DUOX2: variants seen among roughly 807,000 people sequenced by gnomAD.
DUOX2 encodes the protein dual oxidase 2.
DUOX2 carries 185 observed loss-of-function variants against 183.3 expected under a neutral mutation model. The observed-to-expected ratio is 1.01, with a 90% CI of 0.90 to 1.14. The LOEUF is 1.14. Ranked by LOEUF, DUOX2 falls within the 50% of genes most tolerant of loss-of-function variation. The pLI is 0.00. For missense variants in DUOX2, 1,999 were observed against 2,022.9 expected (o/e 0.99, Z 0.23); for synonymous variants, 788 against 812.4 (o/e 0.97, Z 0.51).
intron 23 of DUOX2, 47 bp downstream of exon 23, chr15:45,100,708 A>C: frequency 6.6e-7 from 1 of 1,509,216 alleles, no homozygotes; most frequent in Non-Finnish European, 9.2e-7. Flanking sequence ...GGACCCTAAG[A>C]CTTCTCTCCA....
At position 45,112,489 on chromosome 15, in the gene DUOX2, T is replaced by C. The variant is rs1283455758; in HGVS notation, c.325+65A>G. The C allele has an allele frequency of 7.2e-5, 115 of 1,590,520 alleles. 1 individual carries two copies. Among genetic ancestry groups the C allele is most frequent in the Non-Finnish European group, 6.9e-5 (80 of 1,164,878 alleles). On this transcript the variant is annotated intron_variant, in intron 4 of 33. Coordinates refer to ENST00000389039, the MANE Select transcript of DUOX2 (RefSeq NM_001363711.2). ...CTCCTGTGGACTCGCAGACGGGATC[T>C]GGCCCCTCCCCCAGGCTGAGCAGAG...
chr15:45,099,013 CT>C (rs1285199068), intron 26 of DUOX2: 11,472 of 222,948 alleles, frequency 0.051, no homozygotes, highest in South Asian at 0.087. Context: ...CTATTTCTTT[CT>C]TTTTTTTTTT....
chr15:45,096,804 T>C (rs1337791043), intron 29 of DUOX2, among the ~76,000 whole-genome samples: 3 of 152,204 alleles, frequency 2.0e-5, no homozygotes, highest in Non-Finnish European at 4.4e-5. Context: ...TGCCACCCTC[T>C]ATGATGATAC....
intron 21 of DUOX2, 41 bp downstream of exon 21, chr15:45,101,752 C>T (rs766181521): frequency 1.2e-5 from 20 of 1,612,934 alleles, no homozygotes; most frequent in Admixed American, 6.7e-5. Flanking sequence ...TTTGAGGACA[C>T]GCCCCCCCTC....
rs866257357 is a variant in DUOX2 at position 45,099,413 on chromosome 15, C to T, written c.3485G>A (p.Cys1162Tyr). 6.2e-7 allele frequency: 1 copy of T among 1,614,102 alleles called. No homozygotes were observed. The highest frequency in any genetic ancestry group is 8.5e-7 in the Non-Finnish European group (1 of 1,180,018). ...FSVSPLSLLA[C>Y]IFPNVFVNDG... ...ATTCACAAAGACGTTGGGGAATATG[C>T]AGGCCAGCAGGCTGAGTGGGCTGAC... Residue 1162 changes from cysteine to tyrosine, a missense_variant, in exon 26 of 34, where the codon TGC (cysteine) becomes TAC (tyrosine). Transcript: ENST00000389039.
rs1893799801 is a variant in DUOX2 at position 45,092,910 on chromosome 15, G to A, written c.*1240C>T. The A allele has an allele frequency of 6.6e-6, 1 of 152,176 alleles. No individual in the cohort carries two copies. The highest frequency in any genetic ancestry group is 1.5e-5 in the Non-Finnish European group (1 of 68,032). The allele number at this position is 152,176 out of a possible 1,614,324, so 9.4% of individuals were successfully genotyped here. A position where few individuals can be genotyped will look rare whatever the true frequency, so the allele number is the denominator to read the frequency against. On this transcript the variant is annotated 3_prime_UTR_variant, in exon 34 of 34. Transcript: ENST00000389039. ...GGATTTGGTAGAAATCACATCAGTG[G>A]TTGCTTCTAGGAGCTAGGGGAGACG...
Position 45,104,291 on chromosome 15 carries a change from G to A in DUOX2, c.2409C>T (p.Thr803=), listed in dbSNP as rs757880267. Residue 803 remains threonine (T), a synonymous_variant, in exon 19 of 34, where the codon ACC becomes ACT. Coordinates refer to ENST00000389039, the MANE Select transcript of DUOX2 (RefSeq NM_001363711.2). ...DSSQKVREAL[T]CELSRAEFAE... is the part of the protein sequence containing the mutation. ...CAAACTCGGCCCTGCTCAGCTCGCAGGTCAGGGCCTCCCGCACCTTCTGGG... is the reference window on the plus strand; with the variant it reads ...CAAACTCGGCCCTGCTCAGCTCGCAAGTCAGGGCCTCCCGCACCTTCTGGG... 6.2e-7 allele frequency: 1 copy of A among 1,614,118 alleles called. No homozygotes were observed. Among genetic ancestry groups the A allele is most frequent in the South Asian group, 1.1e-5 (1 of 91,072 alleles).
At chr15:45,095,690 CTA>C in intron 30 of DUOX2, 95 bp from the exon 31 acceptor site, 1 of 1,586,442 alleles carries the variant, frequency 6.3e-7, no homozygotes, top group Admixed American at 1.7e-5. Context: ...ACAGAACATC[CTA>C]GTCTTTTCTG....
intron 4 of DUOX2, 37 bp downstream of exon 4, chr15:45,112,517 C>T: frequency 3.7e-6 from 6 of 1,606,036 alleles, no homozygotes; most frequent in Non-Finnish European, 4.3e-6. Context: ...GAGCAGAGCG[C>T]CAGATCAACC....
rs933170477 is a variant in DUOX2, at chr15:45,104,023, A to C, written c.2591T>G (p.Phe864Cys). Residue 864 changes from phenylalanine to cysteine, a missense_variant, in exon 20 of 34, where the codon TTT becomes TGT. Physicochemically the swap from Phe to Cys is radical, Grantham distance 205. Around this residue, in one of 3 missense-constraint regions of DUOX2, gnomAD observed 1,628 missense variants for 1,608.6 expected, o/e 1.01. Transcript: ENST00000389039. ...ATTCTCATCCAGGTCATACATGGTAAACATTAGACGGGACTTATCCTCTGG... is the reference window on the plus strand; with the variant it reads ...ATTCTCATCCAGGTCATACATGGTACACATTAGACGGGACTTATCCTCTGG... ...GSPEDKSRLM[F>C]TMYDLDENGF... is the part of the protein sequence containing the mutation. 1 of 1,614,044 alleles carries C rather than the reference A, an allele frequency of 6.2e-7. No homozygotes were observed. The highest frequency in any genetic ancestry group is 8.5e-7 in the Non-Finnish European group (1 of 1,180,032).
At chr15:45,102,050 C>G (rs2141146821) in intron 20 of DUOX2, 61 bp from the exon 21 acceptor site, 2 of 1,584,158 alleles carry the variant, frequency 1.3e-6, no homozygotes, top group Non-Finnish European at 1.7e-6. Context: ...TGGGTAGGTG[C>G]AGGGTGGGGC....
chr15:45,111,463 G>C lies in DUOX2; in HGVS notation c.636C>G (p.Pro212=). 1 of 1,550,856 alleles carries C rather than the reference G, an allele frequency of 6.4e-7. No homozygotes were observed. The highest frequency in any genetic ancestry group is 8.7e-7 in the Non-Finnish European group (1 of 1,150,498). The change falls in exon 6 of 34, where the codon CCC becomes CCG. Residue 212 remains proline, a synonymous_variant. Coordinates refer to ENST00000389039, the MANE Select transcript of DUOX2 (RefSeq NM_001363711.2). ...QLASGPDPAF[P]RDSQNPLLMW... Reference sequence around the variant, plus strand: ...TGAGCAGGGGGTTCTGCGAGTCTCGGGGGAAAGCGGGGTCGGGCCCCGACG... The same window carrying C: ...TGAGCAGGGGGTTCTGCGAGTCTCGCGGGAAAGCGGGGTCGGGCCCCGACG...
rs141857016 is a variant in DUOX2 at position 45,095,549 on chromosome 15, T to G, written c.4127A>C (p.Lys1376Thr). The G allele has an allele frequency of 3.7e-6, 6 of 1,614,012 alleles. No homozygotes were observed. The African/African-American group carries it at 6.7e-5, about 18-fold the overall frequency. ...TCCCACCAACACTGACACCTCAAAT[T>G]TATGCCACTCCTGATGGCCCTCTCC... Reference protein sequence around the residue: ...PFGEGHQEWHKFEVSVLVGGG... With the variant: ...PFGEGHQEWHTFEVSVLVGGG... Residue 1376 changes from lysine (K) to threonine (T), a missense_variant, in exon 31 of 34, where the codon AAA (lysine) becomes ACA (threonine). Lys to Thr is a moderately conservative substitution (Grantham distance 78). Around this residue, in one of 3 missense-constraint regions of DUOX2, gnomAD observed 1,628 missense variants for 1,608.6 expected, o/e 1.01. Coordinates refer to ENST00000389039, the MANE Select transcript of DUOX2 (RefSeq NM_001363711.2).
Position 45,095,865 on chromosome 15 carries a change from G to A in DUOX2, c.4043C>T (p.Ser1348Leu). ...AGCACAGCCATTGCCCTTTGGGGATGAGTAGATCTCCCTGAGGCGAGTGGT... is the reference window on the plus strand; with the variant it reads ...AGCACAGCCATTGCCCTTTGGGGATAAGTAGATCTCCCTGAGGCGAGTGGT... The part of the protein sequence containing the change: ...PWTTRLREIY[S>L]SPKGNGCAGY... The change falls in exon 30 of 34, where the codon TCA (serine) becomes TTA (leucine). Residue 1348 changes from serine (S) to leucine (L), a missense_variant. Ser to Leu is a moderately radical substitution (Grantham distance 145). Transcript: ENST00000389039. 1 of 1,614,122 alleles carries A rather than the reference G, an allele frequency of 6.2e-7. No homozygotes were observed. The highest frequency in any genetic ancestry group is 8.5e-7 in the Non-Finnish European group (1 of 1,180,018).
chr15:45,103,320 C>T (rs1286702027), intron 20 of DUOX2, among the ~76,000 whole-genome samples: 1 of 152,222 alleles, frequency 6.6e-6, no homozygotes, highest in African/African-American at 2.4e-5. Context: ...TATGAAATGC[C>T]TGCCCTGTGC....
At chr15:45,112,872 T>C in intron 3 of DUOX2, 115 bp downstream of exon 3, 4 of 1,535,282 alleles carry the variant, frequency 2.6e-6, no homozygotes, top group Non-Finnish European at 3.6e-6. Flanking sequence ...GATTGCGCTG[T>C]GTAGGCAGCG....
chr15:45,109,793 G>A (rs1263374336), intron 10 of DUOX2, 97 bp downstream of exon 10: 1 of 1,369,352 alleles, frequency 7.3e-7, no homozygotes, highest in African/African-American at 1.4e-5. Context: ...ATGAACCTGG[G>A]GCAGCAACAC....
At chr15:45,097,116 T>G in intron 29 of DUOX2, 122 bp downstream of exon 29, 25 of 1,450,670 alleles carry the variant, frequency 1.7e-5, no homozygotes, top group African/African-American at 2.8e-5. Flanking sequence ...TTTTTTGTTG[T>G]TGTTGTTTTT....
At chr15:45,094,840 C>A in intron 32 of DUOX2, 96 bp downstream of exon 32, 1 of 1,597,000 alleles carries the variant, frequency 6.3e-7, no homozygotes, top group Non-Finnish European at 8.6e-7. Flanking sequence ...CCTGCCAGCT[C>A]AGCCTGGCCG....
Sources: gnomAD v4.1 joint callset for allele counts (sites outside exome capture counted in the v4.1 genomes callset) on GRCh38, gnomAD v4.1.1 for gene constraint, gnomAD v4.1.1 regional missense constraint, MANE v1.5 for transcripts, NCBI Gene and HGNC (gene_info 2026-07-23, HGNC 2026-07-21) for gene names.